The following ROBO1 variants were observed in gnomAD, a reference collection of about 807,000 sequenced individuals.
ROBO1 encodes roundabout guidance receptor 1, also known as roundabout homolog 1.
A neutral mutation model predicts 195.9 loss-of-function variants in ROBO1; 149 were observed. The observed-to-expected ratio is 0.76, with a 90% CI of 0.67 to 0.87. The LOEUF (loss-of-function observed/expected upper bound fraction) is 0.87. Ranked by LOEUF, ROBO1 falls within the 40% of genes least tolerant of loss-of-function variation. The probability of loss-of-function intolerance (pLI) is 0.00; values close to 1 mark genes in which losing one functional copy is unlikely to be tolerated. For missense variants in ROBO1, 1,933 were observed against 2,068.3 expected, an observed-to-expected ratio of 0.93 and a Z score of 1.27; for synonymous variants, 816 against 733.2, an observed-to-expected ratio of 1.11 and a Z score of -1.82.
intron 4 of ROBO1, among the ~76,000 whole-genome samples, chr3:78,809,657 G>C (rs1244924273): frequency 6.6e-6 from 1 of 152,168 alleles, no homozygotes; most frequent in Non-Finnish European, 1.5e-5. Context: ...ATACTATGCA[G>C]CCACAAAAAA....
At chr3:79,214,529 G>A (rs1163936466) in intron 2 of ROBO1, among the ~76,000 whole-genome samples, 5 of 151,900 alleles carry the variant, frequency 3.3e-5, no homozygotes, top group Admixed American at 2.0e-4. Context: ...CGAATTCAAC[G>A]TGCTAATGCA....
At chr3:79,621,873 C>A (rs938528335) in intron 1 of ROBO1, among the ~76,000 whole-genome samples, 1 of 152,112 alleles carries the variant, frequency 6.6e-6, no homozygotes, top group Non-Finnish European at 1.5e-5. Flanking sequence ...AAGGCAACTA[C>A]GTAACAACAT....
At chr3:78,974,140 A>G (rs761121970) in intron 3 of ROBO1, among the ~76,000 whole-genome samples, 1 of 152,188 alleles carries the variant, frequency 6.6e-6, no homozygotes, top group Non-Finnish European at 1.5e-5. Flanking sequence ...TTATCTTCAA[A>G]TATTACAGGC....
At chr3:79,663,773 C>T (rs556818118) in intron 1 of ROBO1, among the ~76,000 whole-genome samples, 1 of 152,166 alleles carries the variant, frequency 6.6e-6, no homozygotes, top group African/African-American at 2.4e-5. Context: ...GCCGACTGTT[C>T]AGTTCAAGAA....
chr3:79,054,034 A>G (rs1344670022), intron 3 of ROBO1, among the ~76,000 whole-genome samples: 2 of 152,038 alleles, frequency 1.3e-5, no homozygotes, highest in Admixed American at 1.3e-4. Context: ...TTAGACTGGG[A>G]CCTTTTGGCA....
At chr3:78,964,159 T>G (rs570373158) in intron 3 of ROBO1, among the ~76,000 whole-genome samples, 11 of 152,250 alleles carry the variant, frequency 7.2e-5, no homozygotes, top group Non-Finnish European at 1.0e-4. Context: ...ATCTCTATCT[T>G]TGTGTCCAAA....
chr3:78,802,038 C>T (rs1415256491), intron 4 of ROBO1, among the ~76,000 whole-genome samples: 1 of 152,062 alleles, frequency 6.6e-6, no homozygotes, highest in African/African-American at 2.4e-5. Context: ...TTAAGTCCTT[C>T]CAAAGAGAAA....
chr3:79,389,524 A>G (rs2036872879), intron 2 of ROBO1, among the ~76,000 whole-genome samples: 1 of 152,112 alleles, frequency 6.6e-6, no homozygotes, highest in African/African-American at 2.4e-5. Flanking sequence ...AGAAAACACA[A>G]AATAACTAAT....
chr3:79,431,225 T>C (rs566264734), intron 2 of ROBO1, among the ~76,000 whole-genome samples: 8 of 152,264 alleles, frequency 5.3e-5, no homozygotes, highest in African/African-American at 1.7e-4. Flanking sequence ...ACTAGTATCA[T>C]ATACAAATGT....
chr3:79,059,680 T>G (rs2078879060), intron 3 of ROBO1, among the ~76,000 whole-genome samples: 1 of 152,076 alleles, frequency 6.6e-6, no homozygotes, highest in Non-Finnish European at 1.5e-5. Flanking sequence ...ATTGTGAAGA[T>G]TCCATGGACA....
chr3:78,901,332 A>T (rs756150991), intron 4 of ROBO1, among the ~76,000 whole-genome samples: 3 of 152,202 alleles, frequency 2.0e-5, no homozygotes, highest in Non-Finnish European at 4.4e-5. Context: ...CAGGCAACAA[A>T]AATAATAAAG....
intron 2 of ROBO1, among the ~76,000 whole-genome samples, chr3:79,528,118 T>A (rs1164563695): frequency 7.2e-5 from 11 of 152,174 alleles, no homozygotes; most frequent in Admixed American, 7.2e-4. Flanking sequence ...ACACGTCCAA[T>A]TACTTATATC....
chr3:79,665,165 T>A (rs73849482), intron 1 of ROBO1, among the ~76,000 whole-genome samples: 6 of 151,940 alleles, frequency 3.9e-5, no homozygotes, highest in Admixed American at 6.6e-5. Flanking sequence ...GGACTATTTA[T>A]TCAGCAGATA....
chr3:79,057,726 C>T (rs1015432349), intron 3 of ROBO1, among the ~76,000 whole-genome samples: 3 of 152,006 alleles, frequency 2.0e-5, no homozygotes, highest in Non-Finnish European at 2.9e-5. Flanking sequence ...TTTCCTCTCA[C>T]ACTGATTTAC....
chr3:79,602,890 A>G (rs1944378473), intron 1 of ROBO1, among the ~76,000 whole-genome samples: 1 of 152,112 alleles, frequency 6.6e-6, no homozygotes, highest in Admixed American at 6.6e-5. Context: ...TATTTTGTAG[A>G]AAAAAGCAGA....
Position 79,617,706 on chromosome 3 carries a change from T to C in ROBO1, c.-50-27745A>G, listed in dbSNP as rs188116219. Among the ~76,000 whole-genome samples the C allele has an allele frequency of 1.9e-3, 278 of 148,732 alleles. 3 individuals are homozygous for C. The highest frequency in any genetic ancestry group is 6.5e-3 in the African/African-American group (263 of 40,334). On this transcript the variant is annotated intron_variant, in intron 1 of 30. Coordinates refer to ENST00000464233, the MANE Select transcript of ROBO1 (RefSeq NM_002941.4). ...TCACACTCTCTCTAGCAATGGAACCTAACCAACAGGGAATTCTGAAATGAC... is the reference window on the plus strand; with the variant it reads ...TCACACTCTCTCTAGCAATGGAACCCAACCAACAGGGAATTCTGAAATGAC...
intron 3 of ROBO1, among the ~76,000 whole-genome samples, chr3:79,057,933 C>T (rs754677980): frequency 2.0e-5 from 3 of 152,016 alleles, no homozygotes; most frequent in Admixed American, 2.0e-4. Context: ...ACAGATACCC[C>T]CCTCTGTGCC....
chr3:78,814,004 T>C (rs564303809), intron 4 of ROBO1, among the ~76,000 whole-genome samples: 9 of 152,010 alleles, frequency 5.9e-5, no homozygotes, highest in Non-Finnish European at 1.2e-4. Context: ...TACCATGCTA[T>C]TCACTTCGGT....
chr3:78,885,226 T>C (rs2036475872), intron 4 of ROBO1, among the ~76,000 whole-genome samples: 4 of 151,676 alleles, frequency 2.6e-5, no homozygotes, highest in South Asian at 2.1e-4. Flanking sequence ...CATGGACACA[T>C]AGAGGTAAAA....
Sources: allele counts gnomAD v4.1 joint callset (sites outside exome capture counted in the v4.1 genomes callset), GRCh38; gene constraint gnomAD v4.1.1; transcripts MANE v1.5; gene names NCBI Gene and HGNC (gene_info 2026-07-23, HGNC 2026-07-21).